Variants in GYG2 observed in about 807,000 individuals in gnomAD.
GYG2 encodes the protein glycogenin-2.
A neutral mutation model predicts 29.4 loss-of-function variants in GYG2; 29 were observed. The observed-to-expected ratio is 0.99, with a 90% CI of 0.74 to 1.35. GYG2 has a LOEUF of 1.35. Among genes scored for constraint, GYG2 ranks in the 40% most tolerant of loss-of-function variants. The pLI is 0.00. For missense variants in GYG2, 370 were observed against 385.7 expected (o/e 0.96, Z 0.34); for synonymous variants, 167 against 172.3 (o/e 0.97, Z 0.24).
intron 2 of GYG2, among the ~76,000 whole-genome samples, chrX:2,839,263 G>T (rs1056216015): frequency 1.8e-5 from 2 of 111,605 alleles, no homozygotes; most frequent in Non-Finnish European, 3.8e-5. Flanking sequence ...CAGAATTTCA[G>T]TGACTTCTCC....
rs1569079097 is a variant in GYG2, at chrX:2,882,176, A to T, written c.*963A>T. The T allele has an allele frequency of 9.0e-6, 1 of 111,014 alleles. No individual in the cohort carries two copies. Among genetic ancestry groups the T allele is most frequent in the Non-Finnish European group, 1.9e-5 (1 of 52,981 alleles). The allele number at this position is 111,014 out of a possible 1,213,427, so 9.1% of individuals were successfully genotyped here. A position where few individuals can be genotyped will look rare whatever the true frequency, so the allele number is the denominator to read the frequency against. On this transcript the variant is annotated 3_prime_UTR_variant, in exon 11 of 11. Transcript: ENST00000398806. ...AAGCCTCATTGTCAGAAGTATCTTC[A>T]TTCAATGGGCACAATATGCTGTGTA...
chrX:2,870,233 G>A (rs6641667), intron 8 of GYG2, among the ~76,000 whole-genome samples: 15,561 of 109,075 alleles, frequency 0.14, 945 homozygotes, highest in South Asian at 0.31. Flanking sequence ...ACAGAGACTT[G>A]CTCTGTCGTC....
intron 8 of GYG2, among the ~76,000 whole-genome samples, chrX:2,869,478 G>C (rs781621690): frequency 1.8e-5 from 2 of 111,524 alleles, no homozygotes; most frequent in Non-Finnish European, 3.8e-5. Flanking sequence ...CATTTAGTGA[G>C]TTACTCTGGG....
intron 9 of GYG2, 27 bp downstream of exon 9, chrX:2,875,941 A>C: frequency 1.2e-6 from 1 of 825,626 alleles, no homozygotes; most frequent in Non-Finnish European, 1.8e-6. Flanking sequence ...TGACCTACAC[A>C]TGGCCAGCTC....
intron 8 of GYG2, among the ~76,000 whole-genome samples, chrX:2,868,697 C>T (rs1383874156): frequency 9.1e-6 from 1 of 109,976 alleles, no homozygotes; most frequent in Non-Finnish European, 1.9e-5. Context: ...GGAGGGAGAG[C>T]ATCAGGACAA....
At chrX:2,859,346 T>C (rs2088099857) in intron 6 of GYG2, among the ~76,000 whole-genome samples, 1 of 110,950 alleles carries the variant, frequency 9.0e-6, no homozygotes, top group African/African-American at 3.3e-5. Context: ...AGTAGTATGT[T>C]ACTATTGGTT....
At chrX:2,869,715 G>A (rs746713835) in intron 8 of GYG2, among the ~76,000 whole-genome samples, 3 of 111,394 alleles carry the variant, frequency 2.7e-5, no homozygotes, top group South Asian at 3.8e-4. Flanking sequence ...GCACAATCTC[G>A]GCTCACTGCA....
intron 2 of GYG2, among the ~76,000 whole-genome samples, chrX:2,841,154 TGATA>T (rs1292197560): frequency 1.5e-4 from 16 of 108,374 alleles, no homozygotes; most frequent in Non-Finnish European, 2.3e-4. Flanking sequence ...GATGTATAGA[TGATA>T]GATAGGGATA....
chrX:2,855,625 T>A (rs761304086), intron 5 of GYG2, among the ~76,000 whole-genome samples: 1 of 112,354 alleles, frequency 8.9e-6, no homozygotes, highest in Non-Finnish European at 1.9e-5. Flanking sequence ...TGGTGGCTCA[T>A]GCCTGTAATC....
At chrX:2,870,903 G>C (rs758441942) in intron 8 of GYG2, among the ~76,000 whole-genome samples, 14 of 111,633 alleles carry the variant, frequency 1.3e-4, no homozygotes, top group Non-Finnish European at 2.6e-4. Flanking sequence ...TTTTCTTGTT[G>C]TATGATAGTT....
intron 6 of GYG2, among the ~76,000 whole-genome samples, chrX:2,858,053 A>G (rs767335452): frequency 9.3e-6 from 1 of 107,765 alleles, no homozygotes; most frequent in Non-Finnish European, 1.9e-5. Flanking sequence ...TTAATGAAAA[A>G]TTATGAAATT....
intron 2 of GYG2, among the ~76,000 whole-genome samples, chrX:2,833,934 A>G (rs2087319229): frequency 8.9e-6 from 1 of 112,397 alleles, no homozygotes; most frequent in South Asian, 3.7e-4. Context: ...CTCCCTGGCA[A>G]TGGAGATGAG....
intron 2 of GYG2, among the ~76,000 whole-genome samples, chrX:2,838,673 T>G (rs993976334): frequency 2.7e-5 from 3 of 110,292 alleles, no homozygotes; most frequent in African/African-American, 6.6e-5. Context: ...GCTTCTAGCT[T>G]TCTGAAATTT....
intron 3 of GYG2, among the ~76,000 whole-genome samples, chrX:2,844,598 GCACA>G (rs1269341274): frequency 2.0e-5 from 1 of 50,412 alleles, no homozygotes; most frequent in Non-Finnish European, 3.4e-5. Context: ...ATGTGTATAC[GCACA>G]CGCATGCGTA....
chrX:2,854,255 T>A, intron 4 of GYG2, 101 bp downstream of exon 4: 1 of 547,585 alleles, frequency 1.8e-6, no homozygotes, highest in Admixed American at 3.4e-5. Context: ...ACACAGTCGC[T>A]CTGTCACCCA....
At position 2,881,290 on chromosome X, in the gene GYG2, G is replaced by A. The variant is rs1361810263; in HGVS notation, c.*77G>A. 1 of 866,829 alleles carries A rather than the reference G, an allele frequency of 1.2e-6. No homozygotes were observed. Among genetic ancestry groups the A allele is most frequent in the African/African-American group, 2.1e-5 (1 of 48,545 alleles). 71.4% of individuals were successfully genotyped at this position (866,829 alleles called of 1,213,427 possible). ...TCCTGTTGCGTGGAGATCTCCTCTG[G>A]TCCTTTCAAAGGGAAACGCTGTTGA... On this transcript the variant is annotated 3_prime_UTR_variant, in exon 11 of 11. Transcript: ENST00000398806.
intron 3 of GYG2, among the ~76,000 whole-genome samples, chrX:2,848,952 G>A (rs994657283): frequency 3.6e-5 from 4 of 111,064 alleles, no homozygotes; most frequent in Non-Finnish European, 7.5e-5. Context: ...GGTGGTCAGG[G>A]CAGTGGAAGA....
At chrX:2,849,609 C>T (rs1455689972) in intron 3 of GYG2, among the ~76,000 whole-genome samples, 4 of 111,965 alleles carry the variant, frequency 3.6e-5, no homozygotes, top group Non-Finnish European at 7.5e-5. Context: ...TCCTAAATGC[C>T]TTTCTGTATC....
chrX:2,868,446 G>T (rs1248770111), intron 8 of GYG2, among the ~76,000 whole-genome samples: 5 of 87,051 alleles, frequency 5.7e-5, no homozygotes, highest in Admixed American at 1.4e-4. Context: ...AACAGAGTGA[G>T]ACTCCGTCTC....
Sources: gnomAD v4.1 joint callset for allele counts (sites outside exome capture counted in the v4.1 genomes callset) on GRCh38, gnomAD v4.1.1 for gene constraint, MANE v1.5 for transcripts, NCBI Gene and HGNC (gene_info 2026-07-23, HGNC 2026-07-21) for gene names.